The following CDK12 variants were observed in gnomAD, a reference collection of about 807,000 sequenced individuals.
The protein encoded by CDK12 is cyclin-dependent kinase 12.
Under a neutral mutation model 133.8 loss-of-function variants are expected in CDK12, and 17 were observed. The observed-to-expected ratio is 0.13, with a 90% CI of 0.09 to 0.19. The LOEUF (loss-of-function observed/expected upper bound fraction) is 0.19, where lower values mean the gene tolerates loss of function less well. Ranked by LOEUF, CDK12 falls within the 10% of genes least tolerant of loss-of-function variation. The probability of loss-of-function intolerance (pLI) is 1.00; values close to 1 mark genes in which losing one functional copy is unlikely to be tolerated. For missense variants in CDK12, 1,508 were observed against 1,818.7 expected (o/e 0.83, Z 3.11); for synonymous variants, 694 against 683.6 (o/e 1.02, Z -0.24).
downstream of CDK12, among the ~76,000 whole-genome samples, chr17:39,538,797 C>A (rs1484579979): frequency 6.6e-6 from 1 of 152,132 alleles, no homozygotes; most frequent in Non-Finnish European, 1.5e-5. Context: ...TCCCGGGAGG[C>A]TGAGGCAGGA....
At chr17:39,467,591 T>C (rs559976002) in intron 1 of CDK12, among the ~76,000 whole-genome samples, 1 of 152,282 alleles carries the variant, frequency 6.6e-6, no homozygotes, top group African/African-American at 2.4e-5. Context: ...TGTGAGAAAT[T>C]GAAGGGTTTC....
intron 8 of CDK12, among the ~76,000 whole-genome samples, chr17:39,515,341 T>C (rs1344533722): frequency 6.6e-6 from 1 of 152,244 alleles, no homozygotes; most frequent in Non-Finnish European, 1.5e-5. Flanking sequence ...CAAAAATGAA[T>C]TCAAACTTTA....
chr17:39,535,645 C>T (rs1250381928), downstream of CDK12, among the ~76,000 whole-genome samples: 1 of 152,148 alleles, frequency 6.6e-6, no homozygotes, highest in African/African-American at 2.4e-5. Context: ...TTCTGTCATA[C>T]CCAAGGCCAT....
At chr17:39,503,160 A>G (rs994246405) in intron 6 of CDK12, among the ~76,000 whole-genome samples, 10 of 152,058 alleles carry the variant, frequency 6.6e-5, no homozygotes, top group African/African-American at 2.4e-4. Flanking sequence ...GCAACCTCCA[A>G]CTCCTGGGTT....
rs1426833126 is a variant in CDK12 at position 39,462,369 on chromosome 17, C to G, written c.298C>G (p.Arg100Gly). ...AGACCGAAGGGAGAACGACGAACGT[C>G]GTGGATCAGATCGGAGCGACCGCCT... is the stretch of plus-strand genomic sequence containing the variant. Reference protein sequence around the residue: ...KLDRRENDERRGSDRSDRLHK... With the variant: ...KLDRRENDERGGSDRSDRLHK... The change falls in exon 1 of 14, where the codon CGT becomes GGT. Residue 100 changes from arginine to glycine, a missense_variant. Around this residue, in one of 9 missense-constraint regions of CDK12, gnomAD observed 460 missense variants for 490.8 expected, o/e 0.94. Coordinates refer to ENST00000447079, the MANE Select transcript of CDK12 (RefSeq NM_016507.4). The G allele has an allele frequency of 4.3e-6, 7 of 1,614,068 alleles. No homozygotes were observed. The South Asian group carries it at 7.7e-5, about 18-fold the overall frequency.
intron 3 of CDK12, among the ~76,000 whole-genome samples, chr17:39,559,185 T>A (rs1442896925): frequency 1.3e-4 from 20 of 152,204 alleles, no homozygotes; most frequent in Admixed American, 1.3e-3. Context: ...TAGATCCACA[T>A]GCAGCTGTAA....
Position 39,531,438 on chromosome 17 carries a change from C to G in CDK12, c.*122C>G. Reference sequence around the variant, plus strand: ...TCATCTGCATTTGGCTACTGCAAAGCTGTCCGTTGTATTCCTTGCTCACTT... The same window carrying G: ...TCATCTGCATTTGGCTACTGCAAAGGTGTCCGTTGTATTCCTTGCTCACTT... On this transcript the variant is annotated 3_prime_UTR_variant, in exon 14 of 14. Transcript: ENST00000447079. 1.0e-6 allele frequency: 1 copy of G among 984,594 alleles called. No individual in the cohort carries two copies. Among genetic ancestry groups the G allele is most frequent in the Non-Finnish European group, 1.4e-6 (1 of 728,226 alleles). The allele number at this position is 984,594 out of a possible 1,614,324, so 61.0% of individuals were successfully genotyped here.
At chr17:39,474,023 C>G (rs1370907474) in intron 2 of CDK12, among the ~76,000 whole-genome samples, 1 of 152,188 alleles carries the variant, frequency 6.6e-6, no homozygotes, top group East Asian at 1.9e-4. Context: ...TGCCACTGCA[C>G]TCCAGCCTGG....
upstream of CDK12, among the ~76,000 whole-genome samples, chr17:39,545,588 T>G (rs1327379457): frequency 1.4e-5 from 2 of 144,588 alleles, no homozygotes; most frequent in Non-Finnish European, 1.5e-5. Context: ...AGCCTCTGCC[T>G]CCCAGGTTCA....
rs62077465 is a variant in CDK12, at chr17:39,513,217, G to A, written c.2768+1587G>A. On this transcript the variant is annotated intron_variant, in intron 8 of 13. Transcript: ENST00000447079. ...ATGTTTGTTAATTGTATCTTATGTT[G>A]TATGATTTATGCCCAGTCACACACT... Among the ~76,000 whole-genome samples, 298 of 152,264 alleles carry A rather than the reference G, an allele frequency of 2.0e-3. 2 individuals are homozygous for A. The highest frequency in any genetic ancestry group is 2.5e-3 in the Non-Finnish European group (168 of 68,012).
intron 6 of CDK12, among the ~76,000 whole-genome samples, chr17:39,508,762 A>G (rs941869712): frequency 5.9e-5 from 9 of 152,254 alleles, no homozygotes; most frequent in African/African-American, 1.7e-4. Flanking sequence ...TGGGAGGCTG[A>G]GGAGGGAGGA....
intron 5 of CDK12, among the ~76,000 whole-genome samples, chr17:39,498,947 CTTT>C (rs1567736864): frequency 6.8e-3 from 1 of 148 alleles, no homozygotes; most frequent in Non-Finnish European, 9.4e-3. Flanking sequence ...TTCTTTCTTT[CTTT>C]CTTTCTTTCT....
At chr17:39,537,139 C>CT (rs1273920356), downstream of CDK12, among the ~76,000 whole-genome samples, 1 of 152,184 alleles carries the variant, frequency 6.6e-6, no homozygotes, top group Non-Finnish European at 1.5e-5. Flanking sequence ...TGGAGGATGT[C>CT]TTTTCTCTAC....
Position 39,517,552 on chromosome 17 carries a change from T to C in CDK12, c.2959T>C (p.Ser987Pro), listed in dbSNP as rs1465157154. ...QYRRRLREEF[S>P]FIPSAALDLL... Reference sequence around the variant, plus strand: ...TCGAAGGCGTCTACGAGAAGAATTCTCTTTGTGAGTTTGGGGAAAATGAAC... The same window carrying C: ...TCGAAGGCGTCTACGAGAAGAATTCCCTTTGTGAGTTTGGGGAAAATGAAC... The change falls in exon 10 of 14, where the codon TCT becomes CCT. Residue 987 changes from serine (S) to proline (P), a missense_variant. By Grantham distance (74) the Ser-to-Pro change is moderately conservative. Transcript: ENST00000447079. 6.3e-7 allele frequency: 1 copy of C among 1,576,422 alleles called. No individual in the cohort carries two copies.
At chr17:39,543,374 T>C (rs1318835664), upstream of CDK12, among the ~76,000 whole-genome samples, 1 of 152,206 alleles carries the variant, frequency 6.6e-6, no homozygotes, top group Non-Finnish European at 1.5e-5. Context: ...CAAGATGCCT[T>C]TCCCTCTTTA....
intron 1 of CDK12, among the ~76,000 whole-genome samples, chr17:39,466,194 G>A (rs2049291538): frequency 6.6e-6 from 1 of 151,598 alleles, no homozygotes; most frequent in Non-Finnish European, 1.5e-5. Context: ...TATAATCCCA[G>A]CTACTCGGGA....
At chr17:39,506,216 T>TA (rs1170547492) in intron 6 of CDK12, among the ~76,000 whole-genome samples, 2 of 146,112 alleles carry the variant, frequency 1.4e-5, no homozygotes, top group African/African-American at 5.1e-5. Flanking sequence ...TATATGATTT[T>TA]TTTTTTTTTT....
chr17:39,520,238 TTTG>T (rs1179174622), intron 11 of CDK12, 151 bp downstream of exon 11: 8 of 714,058 alleles, frequency 1.1e-5, no homozygotes, highest in South Asian at 2.3e-5. Flanking sequence ...TTGTTTTATC[TTTG>T]TTGTTTTTTT....
At chr17:39,545,453 G>A (rs961976705), upstream of CDK12, among the ~76,000 whole-genome samples, 2 of 149,464 alleles carry the variant, frequency 1.3e-5, no homozygotes, top group Non-Finnish European at 3.0e-5. Context: ...CTCCTAAAGT[G>A]CAGGGATTAT....
Sources: allele counts gnomAD v4.1 joint callset (sites outside exome capture counted in the v4.1 genomes callset), GRCh38; gene constraint gnomAD v4.1.1; regional missense constraint gnomAD v4.1.1; transcripts MANE v1.5; gene names NCBI Gene and HGNC (gene_info 2026-07-23, HGNC 2026-07-21).